The following PRUNE2 variants were observed in gnomAD, a reference collection of about 807,000 sequenced individuals.
PRUNE2 encodes the protein protein prune homolog 2.
PRUNE2 carries 164 observed loss-of-function variants against 252.0 expected under a neutral mutation model. The ratio of observed to expected loss-of-function variants is 0.65; its 90% CI spans 0.57 to 0.74. PRUNE2 has a LOEUF of 0.74. Ranked by LOEUF, PRUNE2 falls within the 30% of genes least tolerant of loss-of-function variation. PRUNE2 has a pLI of 0.00. For missense variants in PRUNE2, 3,495 were observed against 3,711.0 expected (o/e 0.94, Z 1.51); for synonymous variants, 1,292 against 1,350.2 (o/e 0.96, Z 0.94).
intron 6 of PRUNE2, among the ~76,000 whole-genome samples, chr9:76,750,546 C>G (rs1239093988): frequency 6.6e-6 from 1 of 152,184 alleles, no homozygotes. Context: ...GCTTGCAGGG[C>G]CTGAAATCCA....
chr9:76,812,362 C>T (rs2057411500), intron 6 of PRUNE2, among the ~76,000 whole-genome samples: 1 of 152,024 alleles, frequency 6.6e-6, no homozygotes, highest in African/African-American at 2.4e-5. Context: ...GCAGGGTGGC[C>T]CTACTTTCTC....
intron 14 of PRUNE2, 121 bp downstream of exon 14, chr9:76,637,297 G>T: frequency 2.1e-6 from 2 of 941,196 alleles, no homozygotes; most frequent in Non-Finnish European, 3.2e-6. Flanking sequence ...CAATTTATTT[G>T]ATCTTATTGA....
chr9:76,800,126 GT>G (rs2056443939), intron 6 of PRUNE2, among the ~76,000 whole-genome samples: 1 of 152,030 alleles, frequency 6.6e-6, no homozygotes, highest in South Asian at 2.1e-4. Context: ...ATGTATACAT[GT>G]GCCATGTTGG....
chr9:76,685,446 C>T (rs1338786691), intron 9 of PRUNE2, among the ~76,000 whole-genome samples: 1 of 152,148 alleles, frequency 6.6e-6, no homozygotes, highest in East Asian at 1.9e-4. Flanking sequence ...CTCCAAGATT[C>T]TTATGTTGAA....
intron 6 of PRUNE2, among the ~76,000 whole-genome samples, chr9:76,816,503 T>C (rs1030461776): frequency 6.6e-6 from 1 of 152,310 alleles, no homozygotes; most frequent in African/African-American, 2.4e-5. Context: ...GAATTATCCG[T>C]TCTAAATTAG....
intron 6 of PRUNE2, chr9:76,823,367 C>G: frequency 2.5e-6 from 1 of 405,262 alleles, no homozygotes; most frequent in Non-Finnish European, 4.5e-6. Flanking sequence ...AAATATACAC[C>G]CACATCTGAG....
chr9:76,745,010 C>T (rs752817107), intron 6 of PRUNE2, among the ~76,000 whole-genome samples: 8 of 152,194 alleles, frequency 5.3e-5, no homozygotes, highest in Non-Finnish European at 1.0e-4. Context: ...CATGACCATA[C>T]ATTTATTGCT....
At chr9:76,827,115 T>C (rs1247905181) in intron 4 of PRUNE2, among the ~76,000 whole-genome samples, 1 of 152,192 alleles carries the variant, frequency 6.6e-6, no homozygotes, top group Non-Finnish European at 1.5e-5. Flanking sequence ...CAGCCTTATT[T>C]CCTTTAAAGG....
Position 76,710,047 on chromosome 9 carries a change from G to C in PRUNE2, c.2227C>G (p.Leu743Val), listed in dbSNP as rs994521776. The change falls in exon 8 of 19, where the codon CTG (leucine) becomes GTG (valine). Residue 743 changes from leucine to valine, a missense_variant. By Grantham distance (32) the Leu-to-Val change is conservative. Transcript: ENST00000376718. Reference protein sequence around the residue: ...KNEESLPFQNLPMEKSPLPNT... With the variant: ...KNEESLPFQNVPMEKSPLPNT... Reference sequence around the variant, plus strand: ...GGCAAAGGTGACTTCTCCATGGGCAGGTTCTGGAACGGCAAGCTTTCCTCA... The same window carrying C: ...GGCAAAGGTGACTTCTCCATGGGCACGTTCTGGAACGGCAAGCTTTCCTCA... The C allele has an allele frequency of 6.2e-7, 1 of 1,613,786 alleles. No individual in the cohort carries two copies. Among genetic ancestry groups the C allele is most frequent in the African/African-American group, 1.3e-5 (1 of 74,914 alleles).
At chr9:76,768,623 G>GTGTATA (rs1491356086) in intron 6 of PRUNE2, among the ~76,000 whole-genome samples, 2 of 130,150 alleles carry the variant, frequency 1.5e-5, no homozygotes, top group African/African-American at 5.6e-5. Context: ...GTGTGTGTGT[G>GTGTATA]TATATCCCTG....
At chr9:76,713,395 C>A (rs1443240359) in intron 7 of PRUNE2, among the ~76,000 whole-genome samples, 168 bp downstream of exon 7, 1 of 152,134 alleles carries the variant, frequency 6.6e-6, no homozygotes, top group Admixed American at 6.5e-5. Context: ...TCTTAAAAGG[C>A]CAAATGTAAA....
chr9:76,853,431 T>C (rs1288926181), intron 2 of PRUNE2, among the ~76,000 whole-genome samples: 1 of 152,208 alleles, frequency 6.6e-6, no homozygotes, highest in Non-Finnish European at 1.5e-5. Flanking sequence ...AAAAAGCCCA[T>C]TATCATGAGC....
At chr9:76,861,117 C>T (rs755793372) in intron 1 of PRUNE2, among the ~76,000 whole-genome samples, 1 of 152,166 alleles carries the variant, frequency 6.6e-6, no homozygotes, top group Non-Finnish European at 1.5e-5. Context: ...CAGATGGTAC[C>T]ATGGCCAAGT....
chr9:76,690,420 G>A lies in PRUNE2; in HGVS notation c.8276+12917C>T, dbSNP rs7027319. Among the ~76,000 whole-genome samples, 280 of 152,318 alleles carry A rather than the reference G, an allele frequency of 1.8e-3. 2 individuals are homozygous for A. The highest frequency in any genetic ancestry group is 6.3e-3 in the African/African-American group (261 of 41,562). On this transcript the variant is annotated intron_variant, in intron 9 of 18. Coordinates refer to ENST00000376718, the MANE Select transcript of PRUNE2 (RefSeq NM_015225.3). ...TTTTATTTGCTGTAGATAAACCTAA[G>A]CTTTTGCACTGTAACCTATATCAGG...
Position 76,676,125 on chromosome 9 carries a change from C to A in PRUNE2, c.8277-20623G>T, listed in dbSNP as rs1006743015. Among the ~76,000 whole-genome samples the A allele has an allele frequency of 4.0e-5, 6 of 150,458 alleles. No homozygotes were observed. In the East Asian group the frequency reaches 1.2e-3, roughly 29 times the overall value. ...CAATATTTTTAATAAATTAAAATTA[C>A]ATTAACAGTTGACAAGAAACAGAAT... On this transcript the variant is annotated intron_variant, in intron 9 of 18. Coordinates refer to ENST00000376718, the MANE Select transcript of PRUNE2 (RefSeq NM_015225.3).
chr9:76,749,030 C>A (rs144435985), intron 6 of PRUNE2, among the ~76,000 whole-genome samples: 1 of 152,174 alleles, frequency 6.6e-6, no homozygotes, highest in African/African-American at 2.4e-5. Flanking sequence ...ACATTCTAGG[C>A]ACCTAGGTAG....
At chr9:76,875,574 C>G (rs1451035487) in intron 1 of PRUNE2, among the ~76,000 whole-genome samples, 1 of 152,026 alleles carries the variant, frequency 6.6e-6, no homozygotes, top group Admixed American at 6.5e-5. Context: ...CCATATTGGC[C>G]AGGCTGGTCT....
Position 76,662,647 on chromosome 9 carries a change from C to T in PRUNE2, c.8277-7145G>A, listed in dbSNP as rs570020992. ...AGATGGTAATGTTTCCTGACAGACACGGATATCCAGCAGCAGGTGGCACCC... is the reference window on the plus strand; with the variant it reads ...AGATGGTAATGTTTCCTGACAGACATGGATATCCAGCAGCAGGTGGCACCC... On this transcript the variant is annotated intron_variant, in intron 9 of 18. Coordinates refer to ENST00000376718, the MANE Select transcript of PRUNE2 (RefSeq NM_015225.3). Among the ~76,000 whole-genome samples the T allele has an allele frequency of 8.5e-5, 13 of 152,312 alleles. No individual in the cohort carries two copies. The South Asian group carries it at 1.9e-3, about 22-fold the overall frequency.
At position 76,709,455 on chromosome 9, in the gene PRUNE2, G is replaced by C. The variant is rs912146154; in HGVS notation, c.2819C>G (p.Ser940Cys). 9 of 1,613,822 alleles carry C rather than the reference G, an allele frequency of 5.6e-6. No individual in the cohort carries two copies. Among genetic ancestry groups the C allele is most frequent in the African/African-American group, 1.3e-5 (1 of 74,908 alleles). ...GSDVLVPWED[S>C]FLSYKCSDYS... is the part of the protein sequence containing the mutation. ...ATCAGAACATTTGTAAGATAAGAAGGAATCTTCCCAAGGAACTAGGACATC... is the reference window on the plus strand; with the variant it reads ...ATCAGAACATTTGTAAGATAAGAAGCAATCTTCCCAAGGAACTAGGACATC... The change falls in exon 8 of 19, where the codon TCC becomes TGC. Residue 940 changes from serine to cysteine, a missense_variant. By Grantham distance (112) the Ser-to-Cys change is moderately radical (BLOSUM62 -1). Transcript: ENST00000376718.
Sources: gnomAD v4.1 joint callset for allele counts (sites outside exome capture counted in the v4.1 genomes callset) on GRCh38, gnomAD v4.1.1 for gene constraint, MANE v1.5 for transcripts, NCBI Gene and HGNC (gene_info 2026-07-23, HGNC 2026-07-21) for gene names.